RBM41: variants seen among roughly 807,000 people sequenced by gnomAD.
RBM41 encodes the protein RNA-binding protein 41.
A neutral mutation model predicts 30.8 loss-of-function variants in RBM41; 14 were observed. The ratio of observed to expected loss-of-function variants is 0.45; its 90% CI spans 0.30 to 0.71. The LOEUF (loss-of-function observed/expected upper bound fraction) is 0.71, where lower values mean the gene tolerates loss of function less well. Ranked by LOEUF, RBM41 falls within the 30% of genes least tolerant of loss-of-function variation. RBM41 has a pLI of 0.08. For synonymous variants in RBM41, 120 were observed against 110.1 expected (o/e 1.09, Z -0.56); for missense variants, 276 against 326.3 (o/e 0.85, Z 1.19).
intron 6 of RBM41, among the ~76,000 whole-genome samples, chrX:107,074,829 C>T (rs778921962): frequency 7.2e-5 from 8 of 111,410 alleles, no homozygotes; most frequent in Non-Finnish European, 1.1e-4. Context: ...TTAATATATC[C>T]GAACTATCCA....
chrX:107,100,959 G>A (rs780087753), intron 5 of RBM41, among the ~76,000 whole-genome samples: 3 of 112,024 alleles, frequency 2.7e-5, no homozygotes, highest in South Asian at 7.5e-4. Flanking sequence ...CAATATGTAC[G>A]AATATCTCAA....
downstream of RBM41, among the ~76,000 whole-genome samples, chrX:107,058,371 C>T (rs751944512): frequency 5.3e-4 from 58 of 108,921 alleles, no homozygotes; most frequent in Non-Finnish European, 9.7e-4. Context: ...CTAACACTTA[C>T]TGAGTTCATA....
intron 5 of RBM41, among the ~76,000 whole-genome samples, chrX:107,099,521 C>CTAAA (rs1923267338): frequency 8.9e-6 from 1 of 112,029 alleles, no homozygotes; most frequent in Admixed American, 9.5e-5. Context: ...TTCACATTTG[C>CTAAA]TAAATGGGCA....
At chrX:107,067,818 T>C in intron 7 of RBM41, 125 bp from the exon 8 acceptor site, 1 of 774,802 alleles carries the variant, frequency 1.3e-6, no homozygotes, top group South Asian at 6.2e-5. Flanking sequence ...GTCATTTGAT[T>C]TGATCATTTT....
chrX:107,063,864 T>C lies in RBM41; in HGVS notation c.*3663A>G, dbSNP rs1935735053. Among the ~76,000 whole-genome samples the C allele has an allele frequency of 9.0e-6, 1 of 110,941 alleles. No homozygotes were observed. The highest frequency in any genetic ancestry group is 3.3e-5 in the African/African-American group (1 of 30,542). ...TTCTCATCTAATCTTTTATATTTCC[T>C]TCTTTCTCCTGGCTCTAGGTTTAGT... On this transcript the variant is annotated 3_prime_UTR_variant, in exon 8 of 8. Transcript: ENST00000685964.
At chrX:107,058,425 C>T (rs755792666), downstream of RBM41, among the ~76,000 whole-genome samples, 1 of 111,223 alleles carries the variant, frequency 9.0e-6, no homozygotes, top group Non-Finnish European at 1.9e-5. Context: ...ATTCTCACAA[C>T]CACCCTGTGA....
intron 6 of RBM41, among the ~76,000 whole-genome samples, chrX:107,083,996 C>A (rs1921791063): frequency 9.3e-6 from 1 of 107,093 alleles, no homozygotes; most frequent in Admixed American, 1.0e-4. Context: ...GGAACTAATC[C>A]AAAGAGACCA....
chrX:107,085,241 TTTTC>T (rs1433129440), intron 6 of RBM41, among the ~76,000 whole-genome samples: 1 of 94,699 alleles, frequency 1.1e-5, no homozygotes, highest in African/African-American at 4.6e-5. Flanking sequence ...TTCTTATTGT[TTTTC>T]TTTTTTTTCT....
chrX:107,072,826 G>A (rs913603899), intron 6 of RBM41, among the ~76,000 whole-genome samples: 24 of 111,140 alleles, frequency 2.2e-4, no homozygotes, highest in African/African-American at 7.8e-4. Flanking sequence ...AGGGAACTCA[G>A]AAACTGACCC....
chrX:107,072,569 C>G (rs1168130801), intron 6 of RBM41, among the ~76,000 whole-genome samples: 2 of 111,333 alleles, frequency 1.8e-5, no homozygotes, highest in Non-Finnish European at 3.8e-5. Flanking sequence ...ACCATACTAT[C>G]CAAAGCAACC....
At chrX:107,105,066 G>A (rs1259348357) in intron 5 of RBM41, among the ~76,000 whole-genome samples, 1 of 110,848 alleles carries the variant, frequency 9.0e-6, no homozygotes, top group East Asian at 2.8e-4. Flanking sequence ...TAGGAAAAGA[G>A]GAAGTCAAAT....
intron 6 of RBM41, among the ~76,000 whole-genome samples, chrX:107,087,385 ATTTT>A (rs372529334): frequency 0.048 from 5,328 of 110,295 alleles, 327 homozygotes; most frequent in African/African-American, 0.17. Context: ...ATCTAGAATG[ATTTT>A]TTTTTAATTC....
intron 6 of RBM41, chrX:107,070,194 G>A (rs1420055401): frequency 3.0e-6 from 1 of 329,454 alleles, no homozygotes; most frequent in East Asian, 9.7e-5. Flanking sequence ...AATATGCTAT[G>A]GGGTAAAAGA....
At chrX:107,079,737 G>A (rs942187023) in intron 6 of RBM41, among the ~76,000 whole-genome samples, 9 of 111,038 alleles carry the variant, frequency 8.1e-5, no homozygotes, top group African/African-American at 3.0e-4. Context: ...GTATTATACA[G>A]AATAATTTTA....
In RBM41 at chrX:107,065,147, C is replaced by A. The variant is rs1203044441; in HGVS notation, c.*2380G>T. On this transcript the variant is annotated 3_prime_UTR_variant, in exon 8 of 8. Transcript: ENST00000685964. The stretch of plus-strand genomic sequence containing the variant: ...CCATCCTTTTACCTTTAATCTCTTT[C>A]TATCTTCTAAAGTGTGTCTCAAATA... The A allele has an allele frequency of 2.7e-5, 3 of 111,508 alleles. No individual in the cohort carries two copies. The highest frequency in any genetic ancestry group is 5.7e-5 in the Non-Finnish European group (3 of 53,014). 9.2% of individuals were successfully genotyped at this position (111,508 alleles called of 1,213,427 possible).
In RBM41 at chrX:107,067,069, G is replaced by T. The variant is rs139560393; in HGVS notation, c.*458C>A. ...CTTAATAGCATTTGTTGATGCTTAG[G>T]CCTGGGGGTCCTACTCTTTTATTTA... On this transcript the variant is annotated 3_prime_UTR_variant, in exon 8 of 8. Transcript: ENST00000685964. 6.5e-3 allele frequency: 4,877 copies of T among 750,892 alleles called. 201 individuals are homozygous for T. The African/African-American group carries it at 0.11, about 16-fold the overall frequency. 61.9% of individuals were successfully genotyped at this position (750,892 alleles called of 1,213,427 possible). A position where few individuals can be genotyped will look rare whatever the true frequency, so the allele number is the denominator to read the frequency against.
chrX:107,062,007 G>A lies in RBM41; in HGVS notation c.*5520C>T, dbSNP rs1223914932. ...CATATACTTATGTAACTACAATAAA[G>A]ACACGGAAAATTTCAATTATTAAGA... On this transcript the variant is annotated 3_prime_UTR_variant, in exon 8 of 8. Coordinates refer to ENST00000685964, the MANE Select transcript of RBM41 (RefSeq NM_001324242.2). Among the ~76,000 whole-genome samples the A allele has an allele frequency of 8.9e-6, 1 of 111,928 alleles. No individual in the cohort carries two copies. Among genetic ancestry groups the A allele is most frequent in the Non-Finnish European group, 1.9e-5 (1 of 53,242 alleles).
intron 5 of RBM41, among the ~76,000 whole-genome samples, chrX:107,097,409 AG>A (rs1923071316): frequency 9.0e-6 from 1 of 111,404 alleles, no homozygotes; most frequent in Non-Finnish European, 1.9e-5. Context: ...GTGTCAAGGG[AG>A]GGACTTAGTG....
chrX:107,076,675 T>C (rs1434112450), intron 6 of RBM41, among the ~76,000 whole-genome samples: 1 of 111,379 alleles, frequency 9.0e-6, no homozygotes, highest in Non-Finnish European at 1.9e-5. Context: ...AATATTGTAT[T>C]GTACACTTAA....
Sources: allele counts gnomAD v4.1 joint callset (sites outside exome capture counted in the v4.1 genomes callset), GRCh38; gene constraint gnomAD v4.1.1; transcripts MANE v1.5; gene names NCBI Gene and HGNC (gene_info 2026-07-23, HGNC 2026-07-21).